The following OR2M3 variants were observed in gnomAD, a reference collection of about 807,000 sequenced individuals.
The protein encoded by OR2M3 is olfactory receptor 2M3.
A neutral mutation model predicts 4.3 loss-of-function variants in OR2M3; 1 was observed. The observed-to-expected ratio is 0.23, with a 90% CI of 0.08 to 1.11. OR2M3 has a LOEUF of 1.11. Ranked by LOEUF, OR2M3 falls within the 50% of genes most tolerant of loss-of-function variation. OR2M3 has a pLI of 0.54. For synonymous variants in OR2M3, 151 were observed against 139.4 expected (o/e 1.08, Z -0.59); for missense variants, 410 against 390.4 (o/e 1.05, Z -0.42).
rs1467366371 is a variant in OR2M3, at chr1:248,211,651, A to T, written c.*7645A>T. The T allele has an allele frequency of 6.6e-6, 1 of 152,058 alleles. No individual in the cohort carries two copies. The highest frequency in any genetic ancestry group is 6.5e-5 in the Admixed American group (1 of 15,270). 9.4% of individuals were successfully genotyped at this position (152,058 alleles called of 1,614,324 possible). A position where few individuals can be genotyped will look rare whatever the true frequency, so the allele number is the denominator to read the frequency against. ...CAATTCTCCCTGCCTCAGCCTCCCA[A>T]GTAGCTGAGACTACAGGGGCCTGCT... On this transcript the variant is annotated 3_prime_UTR_variant, in exon 2 of 2. Transcript: ENST00000641626.
At position 248,212,122 on chromosome 1, in the gene OR2M3, A is replaced by G. The variant is rs948401211; in HGVS notation, c.*8116A>G. On this transcript the variant is annotated 3_prime_UTR_variant, in exon 2 of 2. Transcript: ENST00000641626. ...TGGCTCAAAGTAATACATAAAGAGAATAACATTTAGACTTTATTACATGAC... is the reference window on the plus strand; with the variant it reads ...TGGCTCAAAGTAATACATAAAGAGAGTAACATTTAGACTTTATTACATGAC... 1.3e-5 allele frequency: 2 copies of G among 152,236 alleles called. No homozygotes were observed. The highest frequency in any genetic ancestry group is 2.9e-5 in the Non-Finnish European group (2 of 68,030). The allele number at this position is 152,236 out of a possible 1,614,324, so 9.4% of individuals were successfully genotyped here.
Position 248,208,196 on chromosome 1 carries a change from T to G in OR2M3, c.*4190T>G, listed in dbSNP as rs752633429. 2.6e-5 allele frequency: 4 copies of G among 152,110 alleles called. No individual in the cohort carries two copies. The highest frequency in any genetic ancestry group is 5.9e-5 in the Non-Finnish European group (4 of 67,986). 9.4% of individuals were successfully genotyped at this position (152,110 alleles called of 1,614,324 possible). The stretch of plus-strand genomic sequence containing the variant: ...TTCACCCCTTTAACTTAAGTTTATG[T>G]GAGTCCTTATGTGTTTGGTGAGTTT... On this transcript the variant is annotated 3_prime_UTR_variant, in exon 2 of 2. Coordinates refer to ENST00000641626, the MANE Select transcript of OR2M3 (RefSeq NM_001004689.2).
intron 1 of OR2M3, among the ~76,000 whole-genome samples, chr1:248,201,412 G>A (rs1666155100): frequency 6.6e-6 from 1 of 151,818 alleles, no homozygotes; most frequent in Non-Finnish European, 1.5e-5. Flanking sequence ...CTTTAACTAA[G>A]TTTTCTCCAA....
chr1:248,199,409 T>G (rs1666132600), intron 1 of OR2M3, among the ~76,000 whole-genome samples: 1 of 152,100 alleles, frequency 6.6e-6, no homozygotes, highest in Non-Finnish European at 1.5e-5. Flanking sequence ...TAGTCCTGAG[T>G]AACTTGGAGT....
rs1666250893 is a variant in OR2M3, at chr1:248,208,859, T to C, written c.*4853T>C. 6.6e-6 allele frequency: 1 copy of C among 152,224 alleles called. No individual in the cohort carries two copies. The highest frequency in any genetic ancestry group is 1.5e-5 in the Non-Finnish European group (1 of 68,044). 9.4% of individuals were successfully genotyped at this position (152,224 alleles called of 1,614,324 possible). A position where few individuals can be genotyped will look rare whatever the true frequency, so the allele number is the denominator to read the frequency against. On this transcript the variant is annotated 3_prime_UTR_variant, in exon 2 of 2. Coordinates refer to ENST00000641626, the MANE Select transcript of OR2M3 (RefSeq NM_001004689.2). ...AGGTGTTCTTTGAGCTTCTTGAGTT[T>C]GGATGTTTAGATCCAGCAAGGCTGG...
In OR2M3 at chr1:248,200,695, A is replaced by T. The variant is rs184944641; in HGVS notation, c.-18-2355A>T. ...TTCCTTCTGCATCTTCCCAGCCCTT[A>T]AGAGGCATTTCTTAGTATTCCCAGG... On this transcript the variant is annotated intron_variant, in intron 1 of 1. Transcript: ENST00000641626. Among the ~76,000 whole-genome samples, 9 of 152,246 alleles carry T rather than the reference A, an allele frequency of 5.9e-5. No individual in the cohort carries two copies. In the East Asian group the frequency reaches 1.7e-3, roughly 29 times the overall value.
chr1:248,202,187 T>G (rs114711804), intron 1 of OR2M3, among the ~76,000 whole-genome samples: 4,069 of 152,166 alleles, frequency 0.027, 193 homozygotes, highest in African/African-American at 0.093. Context: ...GTCCCATTCC[T>G]CTCTCCCAGG....
chr1:248,203,678 T>C lies in OR2M3; in HGVS notation c.611T>C (p.Ile204Thr), dbSNP rs770339416. The C allele has an allele frequency of 5.6e-6, 9 of 1,613,582 alleles. No individual in the cohort carries two copies. Among genetic ancestry groups the C allele is most frequent in the Admixed American group, 5.0e-5 (3 of 60,010 alleles). ...GAAAAGATTCTTTTCATCTGCTGTA[T>C]AGTAATGATTGTTTTCCCTGTTGCA... ...IFEKILFICC[I>T]VMIVFPVAII... is the part of the protein sequence containing the mutation. The change falls in exon 2 of 2, where the codon ATA (isoleucine) becomes ACA (threonine). Residue 204 changes from isoleucine to threonine, a missense_variant. By Grantham distance (89) the Ile-to-Thr change is moderately conservative (BLOSUM62 -1). Transcript: ENST00000641626.
At position 248,210,839 on chromosome 1, in the gene OR2M3, C is replaced by T. The variant is rs190860556; in HGVS notation, c.*6833C>T. 992 of 152,376 alleles carry T rather than the reference C, an allele frequency of 6.5e-3. 7 individuals are homozygous for T. The highest frequency in any genetic ancestry group is 0.037 in the Middle Eastern group (11 of 294). The allele number at this position is 152,376 out of a possible 1,614,324, so 9.4% of individuals were successfully genotyped here. A position where few individuals can be genotyped will look rare whatever the true frequency, so the allele number is the denominator to read the frequency against. ...CACCACACTTTGCTGATTCTCTTTT[C>T]GGACTCAGCCCACCTGCACCCAGGT... On this transcript the variant is annotated 3_prime_UTR_variant, in exon 2 of 2. Transcript: ENST00000641626.
At chr1:248,198,550 G>T (rs544767328) in intron 1 of OR2M3, among the ~76,000 whole-genome samples, 1 of 152,086 alleles carries the variant, frequency 6.6e-6, no homozygotes, top group Admixed American at 6.6e-5. Context: ...AACCTCAGTG[G>T]ATTACACAGT....
chr1:248,210,988 A>T lies in OR2M3; in HGVS notation c.*6982A>T, dbSNP rs2103016282. On this transcript the variant is annotated 3_prime_UTR_variant, in exon 2 of 2. Coordinates refer to ENST00000641626, the MANE Select transcript of OR2M3 (RefSeq NM_001004689.2). ...GTCCTGCCTCCTATCCACCATCTTA[A>T]TCCTAGTCAGGACATTAAAGTTTTC... 1 of 152,266 alleles carries T rather than the reference A, an allele frequency of 6.6e-6. No homozygotes were observed. Among genetic ancestry groups the T allele is most frequent in the East Asian group, 1.9e-4 (1 of 5,188 alleles). The allele number at this position is 152,266 out of a possible 1,614,324, so 9.4% of individuals were successfully genotyped here. A position where few individuals can be genotyped will look rare whatever the true frequency, so the allele number is the denominator to read the frequency against.
chr1:248,198,941 C>T (rs987286831), intron 1 of OR2M3, among the ~76,000 whole-genome samples: 1 of 152,034 alleles, frequency 6.6e-6, no homozygotes, highest in African/African-American at 2.4e-5. Flanking sequence ...GCAAATGTCA[C>T]AGTGTCATGA....
chr1:248,200,834 A>C (rs763165035), intron 1 of OR2M3, among the ~76,000 whole-genome samples: 6 of 152,108 alleles, frequency 3.9e-5, no homozygotes, highest in Non-Finnish European at 7.4e-5. Context: ...ATACTTTACT[A>C]TCTCCCTATT....
In OR2M3 at chr1:248,211,599, C is replaced by G. The variant is rs867043850; in HGVS notation, c.*7593C>G. On this transcript the variant is annotated 3_prime_UTR_variant, in exon 2 of 2. Coordinates refer to ENST00000641626, the MANE Select transcript of OR2M3 (RefSeq NM_001004689.2). ...AGTGCGGTGGTGCGATCTTGGCTCA[C>G]TGCAACCTCCTCCTTCCGGGTTCAA... 66 of 151,732 alleles carry G rather than the reference C, an allele frequency of 4.3e-4. 1 individual carries two copies. Among genetic ancestry groups the G allele is most frequent in the African/African-American group, 1.6e-3 (65 of 41,366 alleles). 9.4% of individuals were successfully genotyped at this position (151,732 alleles called of 1,614,324 possible). A position where few individuals can be genotyped will look rare whatever the true frequency, so the allele number is the denominator to read the frequency against.
rs745314961 is a variant in OR2M3 at position 248,203,538 on chromosome 1, T to C, written c.471T>C (p.Ile157=). Residue 157 remains isoleucine, a synonymous_variant, in exon 2 of 2, where the codon ATT becomes ATC. Transcript: ENST00000641626. ...GGATCCTGGGCTCTACGGATGGAATTATTGATGTTGTAGCAACATTTTCCT... is the reference window on the plus strand; with the variant it reads ...GGATCCTGGGCTCTACGGATGGAATCATTGATGTTGTAGCAACATTTTCCT... ...FSWILGSTDG[I]IDVVATFSFS... is the part of the protein sequence containing the mutation. The C allele has an allele frequency of 1.3e-5, 21 of 1,613,670 alleles. No homozygotes were observed. The highest frequency in any genetic ancestry group is 2.2e-5 in the South Asian group (2 of 91,060).
chr1:248,208,450 G>T lies in OR2M3; in HGVS notation c.*4444G>T, dbSNP rs1666246595. On this transcript the variant is annotated 3_prime_UTR_variant, in exon 2 of 2. Coordinates refer to ENST00000641626, the MANE Select transcript of OR2M3 (RefSeq NM_001004689.2). The stretch of plus-strand genomic sequence containing the variant: ...TTATGCTTTAAGGAGGCTCTATTTG[G>T]TGTATTCCAAGAATTTGTTTCAAGG... 6.6e-6 allele frequency: 1 copy of T among 152,020 alleles called. No individual in the cohort carries two copies. The highest frequency in any genetic ancestry group is 2.4e-5 in the African/African-American group (1 of 41,402). The allele number at this position is 152,020 out of a possible 1,614,324, so 9.4% of individuals were successfully genotyped here. A position where few individuals can be genotyped will look rare whatever the true frequency, so the allele number is the denominator to read the frequency against.
chr1:248,197,978 T>C (rs1160436005), intron 1 of OR2M3, among the ~76,000 whole-genome samples: 2 of 152,158 alleles, frequency 1.3e-5, no homozygotes, highest in East Asian at 1.9e-4. Context: ...ATCTGAAATC[T>C]GCAACACGTC....
rs1666242889 is a variant in OR2M3, at chr1:248,208,127, T to G, written c.*4121T>G. 2 of 152,156 alleles carry G rather than the reference T, an allele frequency of 1.3e-5. 1 individual carries two copies. Among genetic ancestry groups the G allele is most frequent in the African/African-American group, 4.8e-5 (2 of 41,434 alleles). 9.4% of individuals were successfully genotyped at this position (152,156 alleles called of 1,614,324 possible). A position where few individuals can be genotyped will look rare whatever the true frequency, so the allele number is the denominator to read the frequency against. ...TGTTTTTTTCTAATATAAGAATATC[T>G]ATTCCTGCTTGCTTTTGGTGTCAAT... On this transcript the variant is annotated 3_prime_UTR_variant, in exon 2 of 2. Coordinates refer to ENST00000641626, the MANE Select transcript of OR2M3 (RefSeq NM_001004689.2).
At position 248,208,205 on chromosome 1, in the gene OR2M3, A is replaced by G. The variant is rs1190790155; in HGVS notation, c.*4199A>G. 1 of 151,758 alleles carries G rather than the reference A, an allele frequency of 6.6e-6. No homozygotes were observed. Among genetic ancestry groups the G allele is most frequent in the Non-Finnish European group, 1.5e-5 (1 of 67,918 alleles). The allele number at this position is 151,758 out of a possible 1,614,324, so 9.4% of individuals were successfully genotyped here. On this transcript the variant is annotated 3_prime_UTR_variant, in exon 2 of 2. Transcript: ENST00000641626. ...TTAACTTAAGTTTATGTGAGTCCTT[A>G]TGTGTTTGGTGAGTTTCCTGAAGAT...
Sources: gnomAD v4.1 joint callset for allele counts (sites outside exome capture counted in the v4.1 genomes callset) on GRCh38, gnomAD v4.1.1 for gene constraint, MANE v1.5 for transcripts, NCBI Gene and HGNC (gene_info 2026-07-23, HGNC 2026-07-21) for gene names.